TMEM266: variants seen among roughly 807,000 people sequenced by gnomAD.
TMEM266 encodes transmembrane protein 266, also known as Hv1 related protein 1.
In TMEM266, 33 loss-of-function variants were observed where a neutral mutation model predicts 50.5. The ratio of observed to expected loss-of-function variants is 0.65; its 90% confidence interval spans 0.50 to 0.87. TMEM266 has a LOEUF of 0.87. Among genes scored for constraint, TMEM266 ranks in the 40% least tolerant of loss-of-function variants. The probability of loss-of-function intolerance (pLI) is 0.00; values close to 1 mark genes in which losing one functional copy is unlikely to be tolerated. For synonymous variants in TMEM266, 310 were observed against 292.3 expected, an observed-to-expected ratio of 1.06 and a Z score of -0.62; for missense variants, 655 against 695.1, an observed-to-expected ratio of 0.94 and a Z score of 0.65.
intron 1 of TMEM266, among the ~76,000 whole-genome samples, chr15:76,068,792 C>T (rs543838958): frequency 6.6e-6 from 1 of 152,290 alleles, no homozygotes; most frequent in East Asian, 1.9e-4. Context: ...TTAAGCCACC[C>T]AATCTATGAT....
intron 8 of TMEM266, among the ~76,000 whole-genome samples, chr15:76,181,825 C>G (rs1275233698): frequency 6.6e-6 from 1 of 152,224 alleles, no homozygotes; most frequent in Admixed American, 6.5e-5. Context: ...TACCTCCATG[C>G]GTGGGATCTC....
At chr15:76,145,286 C>T (rs774862664) in intron 3 of TMEM266, among the ~76,000 whole-genome samples, 1 of 152,154 alleles carries the variant, frequency 6.6e-6, no homozygotes, top group African/African-American at 2.4e-5. Context: ...ATGTACACTT[C>T]GGCTTATTTA....
intron 1 of TMEM266, among the ~76,000 whole-genome samples, chr15:76,064,762 T>C (rs2141979730): frequency 6.6e-6 from 1 of 152,334 alleles, no homozygotes; most frequent in South Asian, 2.1e-4. Context: ...TTTTAATAAG[T>C]ATTTTTGCCC....
chr15:76,197,826 A>G (rs1362149658), intron 9 of TMEM266, among the ~76,000 whole-genome samples: 4 of 152,202 alleles, frequency 2.6e-5, no homozygotes, highest in Non-Finnish European at 5.9e-5. Flanking sequence ...CACCACCTCC[A>G]GGAAGCCTGG....
intron 5 of TMEM266, among the ~76,000 whole-genome samples, chr15:76,166,160 G>T (rs1035751216): frequency 6.6e-6 from 1 of 152,146 alleles, no homozygotes; most frequent in South Asian, 2.1e-4. Context: ...GCGGGGCAGG[G>T]CAGTGAGGTT....
At chr15:76,073,971 A>G (rs1445433822) in intron 1 of TMEM266, among the ~76,000 whole-genome samples, 1 of 152,156 alleles carries the variant, frequency 6.6e-6, no homozygotes, top group Non-Finnish European at 1.5e-5. Context: ...TTTGTGACAC[A>G]TGTTTTATTT....
intron 9 of TMEM266, among the ~76,000 whole-genome samples, chr15:76,200,395 G>A (rs1263645055): frequency 6.6e-6 from 1 of 152,206 alleles, no homozygotes; most frequent in Non-Finnish European, 1.5e-5. Context: ...GGGTACAGAT[G>A]AAGAAACTGA....
chr15:76,183,991 G>A (rs1397295664), intron 8 of TMEM266, among the ~76,000 whole-genome samples: 1 of 152,186 alleles, frequency 6.6e-6, no homozygotes, highest in African/African-American at 2.4e-5. Flanking sequence ...TTGTCCCCTG[G>A]TTTTCTGGAC....
chr15:76,200,526 G>A (rs1046799626), intron 9 of TMEM266, among the ~76,000 whole-genome samples: 1 of 152,202 alleles, frequency 6.6e-6, no homozygotes, highest in African/African-American at 2.4e-5. Context: ...TGGCTCTTGG[G>A]TTAAGGTTTC....
At chr15:76,191,943 C>G in intron 8 of TMEM266, 25 bp from the exon 9 acceptor site, 2 of 1,558,064 alleles carry the variant, frequency 1.3e-6, no homozygotes, top group Non-Finnish European at 1.7e-6. Flanking sequence ...GCCGCTGATT[C>G]AGCCTTGCCC....
At chr15:76,132,888 A>C (rs1171357642) in intron 1 of TMEM266, among the ~76,000 whole-genome samples, 1 of 150,402 alleles carries the variant, frequency 6.6e-6, no homozygotes, top group Non-Finnish European at 1.5e-5. Context: ...TAATCCCAGC[A>C]CTTTGGGAGG....
At chr15:76,198,143 G>C (rs574620564) in intron 9 of TMEM266, among the ~76,000 whole-genome samples, 1 of 152,246 alleles carries the variant, frequency 6.6e-6, no homozygotes, top group Admixed American at 6.5e-5. Context: ...AGCAGAGTAG[G>C]CATTTGCTAT....
intron 1 of TMEM266, among the ~76,000 whole-genome samples, chr15:76,080,775 C>CT: frequency 6.6e-6 from 1 of 152,020 alleles, no homozygotes; most frequent in East Asian, 1.9e-4. Context: ...AGGAGACTGT[C>CT]TCGCTCTGCC....
chr15:76,156,795 G>A (rs1172589269), intron 4 of TMEM266, 37 bp downstream of exon 4: 1 of 1,600,302 alleles, frequency 6.2e-7, no homozygotes, highest in African/African-American at 1.3e-5. Context: ...CAATACATAT[G>A]ATGTCAATAT....
intron 1 of TMEM266, among the ~76,000 whole-genome samples, chr15:76,076,766 G>T (rs535332063): frequency 1.3e-5 from 2 of 152,166 alleles, no homozygotes; most frequent in African/African-American, 4.8e-5. Context: ...AACAGGTAGG[G>T]CAAAAGATAA....
intron 10 of TMEM266, among the ~76,000 whole-genome samples, chr15:76,202,830 C>T (rs1340972049): frequency 2.6e-5 from 4 of 152,210 alleles, no homozygotes; most frequent in Non-Finnish European, 4.4e-5. Flanking sequence ...TTGAATTTCG[C>T]AGCCCCCAAA....
At chr15:76,112,284 TA>T (rs1443812871) in intron 1 of TMEM266, among the ~76,000 whole-genome samples, 2 of 152,202 alleles carry the variant, frequency 1.3e-5, no homozygotes, top group Non-Finnish European at 2.9e-5. Context: ...ACCCCTAATA[TA>T]AACTATGGAC....
intron 1 of TMEM266, among the ~76,000 whole-genome samples, chr15:76,101,034 A>G (rs1442364840): frequency 1.3e-5 from 2 of 149,284 alleles, no homozygotes; most frequent in Non-Finnish European, 3.0e-5. Context: ...CTGTATTTCT[A>G]CCTGAACATG....
chr15:76,109,703 TTTC>T (rs1222809007), intron 1 of TMEM266, among the ~76,000 whole-genome samples: 1 of 149,408 alleles, frequency 6.7e-6, no homozygotes, highest in Non-Finnish European at 1.5e-5. Context: ...TTCTTTTTTC[TTTC>T]TTTTCTTTTT....
Sources: gnomAD v4.1 joint callset for allele counts (sites outside exome capture counted in the v4.1 genomes callset) on GRCh38, gnomAD v4.1.1 for gene constraint, MANE v1.5 for transcripts, NCBI Gene and HGNC (gene_info 2026-07-23, HGNC 2026-07-21) for gene names.